The following SYT1 variants were observed in gnomAD, a reference collection of about 807,000 sequenced individuals.
SYT1 encodes the protein synaptotagmin-1.
Under a neutral mutation model 44.8 loss-of-function variants are expected in SYT1, and 8 were observed. The ratio of observed to expected loss-of-function variants is 0.18; its 90% CI spans 0.10 to 0.32. The LOEUF is 0.32. Ranked by LOEUF, SYT1 falls within the 10% of genes least tolerant of loss-of-function variation. SYT1 has a pLI of 1.00. For synonymous variants in SYT1, 154 were observed against 188.8 expected (o/e 0.82, Z 1.51); for missense variants, 286 against 509.3 (o/e 0.56, Z 4.22).
chr12:79,250,736 G>A (rs907078197), intron 4 of SYT1, among the ~76,000 whole-genome samples: 9 of 152,150 alleles, frequency 5.9e-5, no homozygotes, highest in Admixed American at 4.6e-4. Context: ...GTGTTAAGGG[G>A]AATTTTTTGT....
chr12:78,895,644 C>A (rs535659883), intron 1 of SYT1, among the ~76,000 whole-genome samples: 67 of 151,666 alleles, frequency 4.4e-4, no homozygotes, highest in Non-Finnish European at 9.0e-4. Context: ...TTGAAGCCAC[C>A]GGGCACAAAA....
chr12:78,943,119 G>A (rs1878470029), intron 1 of SYT1, among the ~76,000 whole-genome samples: 1 of 152,066 alleles, frequency 6.6e-6, no homozygotes, highest in African/African-American at 2.4e-5. Context: ...TTTATAAGGG[G>A]TTTCTAATCC....
chr12:78,985,932 G>A (rs1592634423), intron 2 of SYT1, among the ~76,000 whole-genome samples: 1 of 151,930 alleles, frequency 6.6e-6, no homozygotes, highest in Non-Finnish European at 1.5e-5. Flanking sequence ...CTTTCGAAAA[G>A]CACTTTGAAG....
chr12:79,067,229 A>C (rs1478808460), intron 3 of SYT1, among the ~76,000 whole-genome samples: 3 of 152,184 alleles, frequency 2.0e-5, no homozygotes, highest in Non-Finnish European at 2.9e-5. Flanking sequence ...GTTTTCCCTT[A>C]TCAAAATCAT....
At chr12:79,278,670 T>C (rs1171833139) in intron 4 of SYT1, among the ~76,000 whole-genome samples, 1 of 151,554 alleles carries the variant, frequency 6.6e-6, no homozygotes, top group African/African-American at 2.4e-5. Flanking sequence ...AGAGCAGAAC[T>C]AAATGAAATT....
chr12:79,133,393 A>C (rs796335460), intron 3 of SYT1, among the ~76,000 whole-genome samples: 1 of 152,264 alleles, frequency 6.6e-6, no homozygotes, highest in African/African-American at 2.4e-5. Flanking sequence ...CAAAAAACAA[A>C]AAAACTACAA....
Position 78,971,048 on chromosome 12 carries a change from T to A in SYT1, c.-216-6751T>A, listed in dbSNP as rs535523837. On this transcript the variant is annotated intron_variant, in intron 1 of 10. Coordinates refer to ENST00000261205, the MANE Select transcript of SYT1 (RefSeq NM_005639.3). ...GTGTGATGATGCATGCCTGTGATCC[T>A]AGCTACTCAGGAGGCTGAGGCAGGA... Among the ~76,000 whole-genome samples, 4 of 152,228 alleles carry A rather than the reference T, an allele frequency of 2.6e-5. No homozygotes were observed. In the East Asian group the frequency reaches 7.8e-4, roughly 30 times the overall value.
At chr12:79,204,542 CTT>C (rs1327539418) in intron 3 of SYT1, among the ~76,000 whole-genome samples, 2 of 152,214 alleles carry the variant, frequency 1.3e-5, no homozygotes, top group Non-Finnish European at 2.9e-5. Flanking sequence ...AGCCGATTGG[CTT>C]GCTTCAACTA....
intron 9 of SYT1, 27 bp from the exon 10 acceptor site, chr12:79,444,046 A>AGAG (rs756859644): frequency 1.2e-6 from 2 of 1,610,938 alleles, no homozygotes; most frequent in Non-Finnish European, 1.7e-6. Context: ...CTGATCTCCT[A>AGAG]AAGTTTGTTT....
Position 79,133,098 on chromosome 12 carries a change from G to A in SYT1, c.-17-84405G>A, listed in dbSNP as rs143974594. Among the ~76,000 whole-genome samples, 24 of 152,282 alleles carry A rather than the reference G, an allele frequency of 1.6e-4. No homozygotes were observed. The East Asian group carries it at 4.6e-3, about 29-fold the overall frequency. Reference sequence around the variant, plus strand: ...GTTACTAGAGGCTTGGAATGTGGTGGTCAGGGTGGGATGAAGAGAGGGTAG... The same window carrying A: ...GTTACTAGAGGCTTGGAATGTGGTGATCAGGGTGGGATGAAGAGAGGGTAG... On this transcript the variant is annotated intron_variant, in intron 3 of 10. Transcript: ENST00000261205.
chr12:78,897,582 C>G (rs1592535431), intron 1 of SYT1, among the ~76,000 whole-genome samples: 1 of 151,962 alleles, frequency 6.6e-6, no homozygotes. Flanking sequence ...GATGGTTTCA[C>G]ACTGATACAA....
chr12:79,057,687 A>G (rs75916837), intron 3 of SYT1, among the ~76,000 whole-genome samples: 1 of 151,866 alleles, frequency 6.6e-6, no homozygotes, highest in Non-Finnish European at 1.5e-5. Context: ...AATACCCTCT[A>G]TGTCTTAGAC....
At chr12:79,169,446 T>C (rs1232639259) in intron 3 of SYT1, among the ~76,000 whole-genome samples, 2 of 152,028 alleles carry the variant, frequency 1.3e-5, no homozygotes, top group Admixed American at 6.6e-5. Context: ...CAATCTTATT[T>C]AGCGATCTGC....
intron 3 of SYT1, among the ~76,000 whole-genome samples, chr12:79,089,966 C>T (rs1441056170): frequency 6.6e-6 from 1 of 152,044 alleles, no homozygotes; most frequent in East Asian, 1.9e-4. Flanking sequence ...ATTATTCCAA[C>T]AACAACTATG....
intron 3 of SYT1, among the ~76,000 whole-genome samples, chr12:79,146,162 A>T (rs1869899202): frequency 6.6e-6 from 1 of 152,196 alleles, no homozygotes; most frequent in African/African-American, 2.4e-5. Flanking sequence ...TTTAATCATG[A>T]GAATGTACAG....
chr12:79,258,789 T>C (rs1294007821), intron 4 of SYT1, among the ~76,000 whole-genome samples: 2 of 152,246 alleles, frequency 1.3e-5, no homozygotes, highest in Non-Finnish European at 2.9e-5. Context: ...ACTTTTTTAT[T>C]TCTTCACTGA....
At chr12:79,074,838 GATTTGGCAGGGCT>G (rs1876530218) in intron 3 of SYT1, among the ~76,000 whole-genome samples, 1 of 152,150 alleles carries the variant, frequency 6.6e-6, no homozygotes, top group South Asian at 2.1e-4. Flanking sequence ...TCCCTCTTTG[GATTTGGCAGGGCT>G]GAGACACTTA....
At chr12:79,061,991 G>T (rs908886355) in intron 3 of SYT1, among the ~76,000 whole-genome samples, 1 of 152,116 alleles carries the variant, frequency 6.6e-6, no homozygotes, top group Non-Finnish European at 1.5e-5. Flanking sequence ...TTTTAAAAAA[G>T]AATCCTTTTA....
chr12:79,296,712 A>G (rs888774692), intron 7 of SYT1, among the ~76,000 whole-genome samples: 1 of 152,184 alleles, frequency 6.6e-6, no homozygotes, highest in Admixed American at 6.6e-5. Context: ...TAACTAATCA[A>G]TAAAAGGAAT....
Sources: allele counts gnomAD v4.1 joint callset (sites outside exome capture counted in the v4.1 genomes callset), GRCh38; gene constraint gnomAD v4.1.1; transcripts MANE v1.5; gene names NCBI Gene and HGNC (gene_info 2026-07-23, HGNC 2026-07-21).